NAV2: variants seen among roughly 807,000 people sequenced by gnomAD.
NAV2 encodes the protein neuron navigator 2.
NAV2 carries 54 observed loss-of-function variants against 223.2 expected under a neutral mutation model. The observed-to-expected ratio is 0.24, with a 90% CI of 0.19 to 0.30. The LOEUF (loss-of-function observed/expected upper bound fraction) is 0.30. Ranked by LOEUF, NAV2 falls within the 10% of genes least tolerant of loss-of-function variation. NAV2 has a pLI of 1.00. For synonymous variants in NAV2, 1,279 were observed against 1,239.3 expected, an observed-to-expected ratio of 1.03 and a Z score of -0.67; for missense variants, 2,806 against 3,147.5, an observed-to-expected ratio of 0.89 and a Z score of 2.60.
intron 1 of NAV2, among the ~76,000 whole-genome samples, chr11:19,417,692 G>A (rs1375171485): frequency 6.6e-6 from 1 of 152,144 alleles, no homozygotes; most frequent in East Asian, 1.9e-4. Context: ...CTTGGAAATA[G>A]CAAAGACTTG....
At chr11:20,088,615 C>T (rs1465592770) in intron 26 of NAV2, among the ~76,000 whole-genome samples, 1 of 152,220 alleles carries the variant, frequency 6.6e-6, no homozygotes, top group East Asian at 1.9e-4. Context: ...TTCTTCATTT[C>T]AGTTTGGTAC....
intron 1 of NAV2, among the ~76,000 whole-genome samples, chr11:19,729,880 C>T (rs1287106792): frequency 6.6e-6 from 1 of 152,140 alleles, no homozygotes; most frequent in Non-Finnish European, 1.5e-5. Context: ...TCAGGAAGAG[C>T]TACAAATAAG....
At chr11:20,099,168 G>C (rs2061468363) in intron 31 of NAV2, among the ~76,000 whole-genome samples, 1 of 152,202 alleles carries the variant, frequency 6.6e-6, no homozygotes, top group African/African-American at 2.4e-5. Context: ...AGGAGAATTG[G>C]TGGAGTTGCT....
intron 1 of NAV2, among the ~76,000 whole-genome samples, chr11:19,676,434 G>A (rs2048713638): frequency 6.6e-6 from 1 of 151,960 alleles, no homozygotes; most frequent in South Asian, 2.1e-4. Flanking sequence ...ACAATGCTTG[G>A]TGCATGGTAA....
intron 11 of NAV2, among the ~76,000 whole-genome samples, chr11:19,987,683 G>A (rs1448287703): frequency 1.3e-5 from 2 of 152,178 alleles, no homozygotes; most frequent in Admixed American, 6.5e-5. Flanking sequence ...GTCAGTTGGT[G>A]AGTCTGGTAT....
intron 1 of NAV2, among the ~76,000 whole-genome samples, chr11:19,451,888 G>A (rs1352586360): frequency 2.0e-5 from 3 of 152,342 alleles, no homozygotes; most frequent in South Asian, 2.1e-4. Flanking sequence ...CAGCTGCTGA[G>A]GTGGGCAAGG....
At chr11:19,511,105 CA>C (rs1190890722) in intron 1 of NAV2, 12 of 152,216 alleles carry the variant, frequency 7.9e-5, no homozygotes, top group Non-Finnish European at 1.3e-4. Flanking sequence ...CAGGATCACA[CA>C]GCCAGAAAAT....
intron 6 of NAV2, among the ~76,000 whole-genome samples, chr11:19,901,594 A>G (rs1459651189): frequency 6.6e-6 from 1 of 152,188 alleles, no homozygotes; most frequent in African/African-American, 2.4e-5. Flanking sequence ...TTTGTAGTAC[A>G]TTGTTATGGG....
At position 19,776,955 on chromosome 11, in the gene NAV2, A is replaced by T. The variant is rs559622792; in HGVS notation, c.268-55529A>T. ...ACCCACGCCCTCCCCGAAATAGTTA[A>T]GTATCCTCCCACCAACTCCGACCAT... is the stretch of plus-strand genomic sequence containing the variant. On this transcript the variant is annotated intron_variant, in intron 1 of 37. Coordinates refer to ENST00000349880, the MANE Select transcript of NAV2 (RefSeq NM_145117.5). 1.6e-4 allele frequency among the ~76,000 whole-genome samples: 24 copies of T among 152,020 alleles called. No individual in the cohort carries two copies. The South Asian group carries it at 4.8e-3, about 30-fold the overall frequency.
chr11:19,880,179 C>A, intron 5 of NAV2, 52 bp downstream of exon 5: 8 of 1,498,532 alleles, frequency 5.3e-6, no homozygotes, highest in Non-Finnish European at 7.1e-6. Context: ...CCTTCCTCCA[C>A]CCCAACCAAT....
chr11:19,391,833 T>C (rs972372672), intron 1 of NAV2, among the ~76,000 whole-genome samples: 7 of 152,208 alleles, frequency 4.6e-5, no homozygotes, highest in Non-Finnish European at 8.8e-5. Flanking sequence ...GACAGTACCA[T>C]GCACATAGAA....
intron 1 of NAV2, among the ~76,000 whole-genome samples, chr11:19,454,964 T>G (rs1472938937): frequency 6.6e-6 from 1 of 152,094 alleles, no homozygotes; most frequent in Non-Finnish European, 1.5e-5. Flanking sequence ...CAGCATCACC[T>G]GCGAACAGGT....
chr11:20,033,529 T>A (rs549754736), intron 11 of NAV2, among the ~76,000 whole-genome samples: 1 of 151,976 alleles, frequency 6.6e-6, no homozygotes, highest in South Asian at 2.1e-4. Context: ...ATTACAGGAG[T>A]GAAGTGTGCA....
intron 1 of NAV2, among the ~76,000 whole-genome samples, chr11:19,723,710 G>A (rs2050970004): frequency 2.6e-5 from 4 of 152,348 alleles, no homozygotes; most frequent in South Asian, 2.1e-4. Flanking sequence ...TTGTCCTACT[G>A]CTGTGGCTGC....
intron 5 of NAV2, among the ~76,000 whole-genome samples, chr11:19,883,190 G>T (rs569695821): frequency 2.6e-5 from 4 of 152,162 alleles, no homozygotes; most frequent in Non-Finnish European, 5.9e-5. Flanking sequence ...GCACCCCTGG[G>T]GGGTAGCAAA....
At chr11:19,587,856 G>A (rs541379305) in intron 1 of NAV2, among the ~76,000 whole-genome samples, 1 of 152,268 alleles carries the variant, frequency 6.6e-6, no homozygotes, top group East Asian at 1.9e-4. Flanking sequence ...TTAGTCCAAG[G>A]CTAACATTTC....
intron 10 of NAV2, among the ~76,000 whole-genome samples, chr11:19,968,843 C>T (rs2048987290): frequency 6.6e-6 from 1 of 152,202 alleles, no homozygotes; most frequent in South Asian, 2.1e-4. Context: ...GTTTCGGCGA[C>T]TTCTCAGCCT....
At chr11:19,695,144 C>A (rs1288918314) in intron 1 of NAV2, among the ~76,000 whole-genome samples, 1 of 152,206 alleles carries the variant, frequency 6.6e-6, no homozygotes, top group Non-Finnish European at 1.5e-5. Flanking sequence ...TTTGCTCACT[C>A]CCCTGGCCAG....
At chr11:20,068,092 G>A (rs922849708) in intron 20 of NAV2, 94 bp from the exon 21 acceptor site, 1 of 1,122,164 alleles carries the variant, frequency 8.9e-7, no homozygotes, top group Non-Finnish European at 1.4e-6. Context: ...CTTCCAGACT[G>A]CTGCAACCAT....
Sources: gnomAD v4.1 joint callset for allele counts (sites outside exome capture counted in the v4.1 genomes callset) on GRCh38, gnomAD v4.1.1 for gene constraint, MANE v1.5 for transcripts, NCBI Gene and HGNC (gene_info 2026-07-23, HGNC 2026-07-21) for gene names.